Variants in IRAG2 observed in about 807,000 individuals in gnomAD.
The protein encoded by IRAG2 is inositol 1,4,5-triphosphate receptor associated 2, also known as lymphoid restricted membrane protein.
A neutral mutation model predicts 69.9 loss-of-function variants in IRAG2; 45 were observed. The observed-to-expected ratio is 0.64, with a 90% CI of 0.51 to 0.83. The LOEUF is 0.83. Among genes scored for constraint, IRAG2 ranks in the 40% least tolerant of loss-of-function variants. The probability of loss-of-function intolerance (pLI) is 0.00; values close to 1 mark genes in which losing one functional copy is unlikely to be tolerated. For synonymous variants in IRAG2, 193 were observed against 202.4 expected, an observed-to-expected ratio of 0.95 and a Z score of 0.40; for missense variants, 520 against 587.0, an observed-to-expected ratio of 0.89 and a Z score of 1.18.
chr12:25,015,434 CCTT>C (rs1944519950), intron 5 of IRAG2: 3 of 1,228,272 alleles, frequency 2.4e-6, no homozygotes, highest in Non-Finnish European at 3.0e-6. Context: ...GTCTTGTAAG[CCTT>C]CTTACTCTGC....
At chr12:25,005,175 A>G (rs1944421589) in intron 1 of IRAG2, 1 of 877,708 alleles carries the variant, frequency 1.1e-6, no homozygotes. Context: ...AACCAAAAAA[A>G]AAAAAGGAAA....
intron 4 of IRAG2, among the ~76,000 whole-genome samples, chr12:25,064,532 C>T (rs1011777309): frequency 6.6e-6 from 1 of 152,084 alleles, no homozygotes; most frequent in South Asian, 2.1e-4. Context: ...GTAGTGACAC[C>T]TCTCAGGATA....
intron 20 of IRAG2, among the ~76,000 whole-genome samples, chr12:25,106,613 C>T (rs192152897): frequency 1.2e-5 from 1 of 82,902 alleles, no homozygotes; most frequent in East Asian, 6.7e-4. Flanking sequence ...AATGATGAGA[C>T]TAACTTCTGA....
chr12:25,038,694 G>T (rs1944723297), intron 16 of IRAG2, among the ~76,000 whole-genome samples: 1 of 150,788 alleles, frequency 6.6e-6, no homozygotes, highest in African/African-American at 2.4e-5. Context: ...TTTTTCCCTA[G>T]AGAAGGAATT....
upstream of IRAG2, among the ~76,000 whole-genome samples, chr12:25,004,013 G>A (rs986336254): frequency 2.6e-5 from 4 of 152,204 alleles, no homozygotes; most frequent in Admixed American, 6.5e-5. Context: ...TTCTGTCAGA[G>A]AATGGAGAAA....
intron 14 of IRAG2, among the ~76,000 whole-genome samples, chr12:25,092,025 G>A (rs1366157958): frequency 6.6e-6 from 1 of 152,204 alleles, no homozygotes; most frequent in African/African-American, 2.4e-5. Context: ...CCAACACTTT[G>A]GAAGGCTGAG....
intron 1 of IRAG2, among the ~76,000 whole-genome samples, chr12:25,057,684 C>T (rs571532533): frequency 2.0e-5 from 3 of 152,218 alleles, no homozygotes; most frequent in East Asian, 3.9e-4. Flanking sequence ...GTTCAGATCT[C>T]GAGTATACTA....
chr12:25,018,978 A>G (rs12322515), intron 6 of IRAG2, among the ~76,000 whole-genome samples: 11,570 of 152,226 alleles, frequency 0.076, 583 homozygotes, highest in African/African-American at 0.15. Flanking sequence ...TGTATTAACC[A>G]TTGAGGTGGG....
At position 25,011,574 on chromosome 12, in the gene IRAG2, G is replaced by T. The variant is rs981647686; in HGVS notation, c.896+23G>T. 3.3e-6 allele frequency: 4 copies of T among 1,201,796 alleles called. No homozygotes were observed. In the African/African-American group the frequency reaches 6.3e-5, roughly 19 times the overall value. 74.4% of individuals were successfully genotyped at this position (1,201,796 alleles called of 1,614,324 possible). A position where few individuals can be genotyped will look rare whatever the true frequency, so the allele number is the denominator to read the frequency against. ...ATGGTAATCAGAGTCCTAGTGGGATGCAGTTTAAGGTTCTATTTTAACAAC... is the reference window on the plus strand; with the variant it reads ...ATGGTAATCAGAGTCCTAGTGGGATTCAGTTTAAGGTTCTATTTTAACAAC... On this transcript the variant is annotated intron_variant, in intron 3 of 38. Transcript: ENST00000636465.
At chr12:25,106,471 A>G in intron 20 of IRAG2, among the ~76,000 whole-genome samples, 1 of 117,754 alleles carries the variant, frequency 8.5e-6, no homozygotes, top group Non-Finnish European at 1.7e-5. Context: ...TTATATATAA[A>G]TATGTGTATA....
chr12:25,074,934 C>A (rs916676947), intron 6 of IRAG2, among the ~76,000 whole-genome samples: 15 of 152,160 alleles, frequency 9.9e-5, no homozygotes, highest in African/African-American at 3.6e-4. Flanking sequence ...CTGTCCTGTT[C>A]TTCCAAGTTG....
At chr12:25,035,801 T>C (rs1462400434) in intron 14 of IRAG2, 2 of 398,848 alleles carry the variant, frequency 5.0e-6, no homozygotes, top group Non-Finnish European at 8.8e-6. Flanking sequence ...TCGTATAACA[T>C]ACCTTTATCA....
intron 9 of IRAG2, among the ~76,000 whole-genome samples, chr12:25,028,631 A>G (rs1944644212): frequency 1.3e-5 from 2 of 152,152 alleles, no homozygotes; most frequent in Non-Finnish European, 2.9e-5. Context: ...GTTATCTGTC[A>G]CACATTCTCA....
chr12:25,101,101 G>A (rs2140238195), intron 15 of IRAG2, 77 bp from the exon 16 acceptor site: 2 of 1,299,608 alleles, frequency 1.5e-6, no homozygotes, highest in East Asian at 4.9e-5. Context: ...TGGAGTGAAG[G>A]TAAATGTGTT....
chr12:25,053,806 A>G (rs1265985666), intron 1 of IRAG2, among the ~76,000 whole-genome samples: 1 of 150,858 alleles, frequency 6.6e-6, no homozygotes, highest in Non-Finnish European at 1.5e-5. Context: ...ATAATTATAT[A>G]TTTAATATAT....
chr12:25,017,303 G>T lies in IRAG2; in HGVS notation c.1214+11G>T, dbSNP rs141093068. On this transcript the variant is annotated intron_variant, in intron 6 of 38. Coordinates refer to the IRAG2 transcript ENST00000636465. The stretch of plus-strand genomic sequence containing the variant: ...CCTTCAGGTAAAAAGGTGAGCCACA[G>T]TGGGGTCCAGTGTGCGGGGAACTTT... 4.7e-4 allele frequency: 584 copies of T among 1,232,142 alleles called. 1 individual carries two copies. The African/African-American group carries it at 8.2e-3, about 17-fold the overall frequency. The allele number at this position is 1,232,142 out of a possible 1,614,324, so 76.3% of individuals were successfully genotyped here.
intron 6 of IRAG2, among the ~76,000 whole-genome samples, chr12:25,070,206 G>A (rs1011119077): frequency 2.0e-5 from 3 of 151,994 alleles, no homozygotes; most frequent in Non-Finnish European, 2.9e-5. Flanking sequence ...CACCACAATC[G>A]GTCTTAGAAT....
chr12:25,085,734 C>T (rs1479373287), intron 10 of IRAG2, among the ~76,000 whole-genome samples: 1 of 152,150 alleles, frequency 6.6e-6, no homozygotes, highest in African/African-American at 2.4e-5. Flanking sequence ...ACTTCCCTGC[C>T]CACCTCCCAT....
chr12:25,076,145 C>T (rs1204601648), intron 6 of IRAG2, among the ~76,000 whole-genome samples: 1 of 152,078 alleles, frequency 6.6e-6, no homozygotes, highest in East Asian at 1.9e-4. Flanking sequence ...TTAGACCAAA[C>T]TTGTGAAAAC....
Sources: allele counts gnomAD v4.1 joint callset (sites outside exome capture counted in the v4.1 genomes callset), GRCh38; gene constraint gnomAD v4.1.1; transcripts MANE v1.5; gene names NCBI Gene and HGNC (gene_info 2026-07-23, HGNC 2026-07-21).